ZFAT: variants seen among roughly 807,000 people sequenced by gnomAD.
ZFAT encodes the protein zinc finger protein ZFAT.
ZFAT carries 64 observed loss-of-function variants against 117.7 expected under a neutral mutation model. The ratio of observed to expected loss-of-function variants is 0.54; its 90% CI spans 0.44 to 0.67. ZFAT has a LOEUF of 0.67. Among genes scored for constraint, ZFAT ranks in the 30% least tolerant of loss-of-function variants. The probability of loss-of-function intolerance (pLI) is 0.00; values close to 1 mark genes in which losing one functional copy is unlikely to be tolerated. For missense variants in ZFAT, 1,433 were observed against 1,584.5 expected (o/e 0.90, Z 1.62); for synonymous variants, 679 against 615.0 (o/e 1.10, Z -1.54).
At chr8:134,604,637 C>A (rs1827747690) in intron 5 of ZFAT, among the ~76,000 whole-genome samples, 1 of 152,240 alleles carries the variant, frequency 6.6e-6, no homozygotes, top group Non-Finnish European at 1.5e-5. Flanking sequence ...TAACCAGATA[C>A]CATTCAACTG....
At chr8:134,784,405 T>C in the ZFAT span, 1 of 152,206 alleles carries the variant, frequency 6.6e-6, no homozygotes, top group Non-Finnish European at 1.5e-5. Context: ...AAATTGGAAA[T>C]ATATAAAATA....
chr8:134,805,248 A>AGTTTTGTTCT, the ZFAT span, among the ~76,000 whole-genome samples: 1 of 151,710 alleles, frequency 6.6e-6, no homozygotes, highest in African/African-American at 2.4e-5. Context: ...TGCAAAAATA[A>AGTTTTGTTCT]GTTTTCTTCT....
chr8:134,505,779 G>C (rs759075509), intron 15 of ZFAT, among the ~76,000 whole-genome samples: 45 of 152,192 alleles, frequency 3.0e-4, no homozygotes, highest in Admixed American at 6.5e-4. Flanking sequence ...GACACCTTGA[G>C]TTTAGCACAG....
intron 15 of ZFAT, among the ~76,000 whole-genome samples, chr8:134,481,452 G>A (rs1378190637): frequency 6.6e-6 from 1 of 152,212 alleles, no homozygotes; most frequent in Non-Finnish European, 1.5e-5. Context: ...TGTGGACATA[G>A]TGACTGCCAC....
the ZFAT span, among the ~76,000 whole-genome samples, chr8:134,812,879 T>C: frequency 4.6e-5 from 7 of 152,254 alleles, no homozygotes; most frequent in Non-Finnish European, 8.8e-5. Context: ...AGGTAGGTAC[T>C]AGTGTTATCT....
At position 134,683,126 on chromosome 8, in the gene ZFAT, C is replaced by T. The variant is rs74975657; in HGVS notation, c.20-25389G>A. 8.2e-3 allele frequency among the ~76,000 whole-genome samples: 1,243 copies of T among 152,288 alleles called. 5 individuals are homozygous for T. The highest frequency in any genetic ancestry group is 0.016 in the South Asian group (78 of 4,830). ...AAAACTCATAATAAACATACAAATT[C>T]ACTATGTGAAATGAGCCCCCTTAGA... On this transcript the variant is annotated intron_variant, in intron 1 of 15. Coordinates refer to ENST00000377838, the MANE Select transcript of ZFAT (RefSeq NM_020863.4).
intron 1 of ZFAT, among the ~76,000 whole-genome samples, chr8:134,677,628 G>T (rs1046975053): frequency 6.6e-6 from 1 of 152,046 alleles, no homozygotes; most frequent in Non-Finnish European, 1.5e-5. Context: ...AAACCTAGCA[G>T]AGACAAAATA....
intron 15 of ZFAT, among the ~76,000 whole-genome samples, chr8:134,493,302 T>C (rs1818181945): frequency 6.6e-6 from 1 of 151,940 alleles, no homozygotes; most frequent in African/African-American, 2.4e-5. Context: ...GTCCACCAGG[T>C]CCCTGGGCCT....
chr8:134,632,965 A>C (rs1276261832), intron 3 of ZFAT, among the ~76,000 whole-genome samples: 1 of 152,276 alleles, frequency 6.6e-6, no homozygotes, highest in Admixed American at 6.5e-5. Context: ...ACAGAGGCTG[A>C]CACAACCCAG....
chr8:134,521,216 T>C (rs563928157), intron 12 of ZFAT, among the ~76,000 whole-genome samples: 1 of 152,222 alleles, frequency 6.6e-6, no homozygotes, highest in East Asian at 1.9e-4. Context: ...CTTTTTTTAT[T>C]TGTTGAATAA....
intron 3 of ZFAT, among the ~76,000 whole-genome samples, chr8:134,636,569 G>A (rs533709827): frequency 1.1e-3 from 163 of 152,276 alleles, no homozygotes; most frequent in African/African-American, 3.6e-3. Context: ...CCAGACAGCC[G>A]TAACCCAGAG....
At chr8:134,725,163 T>G in the ZFAT span, among the ~76,000 whole-genome samples, 1 of 152,214 alleles carries the variant, frequency 6.6e-6, no homozygotes, top group Non-Finnish European at 1.5e-5. Flanking sequence ...CTGGGCACAC[T>G]GTACCGCCCC....
the ZFAT span, among the ~76,000 whole-genome samples, chr8:134,754,838 G>A: frequency 3.3e-5 from 5 of 151,418 alleles, no homozygotes; most frequent in Non-Finnish European, 5.9e-5. Context: ...GTGAGATCTC[G>A]GCAATGACAA....
At chr8:134,811,088 C>A in the ZFAT span, among the ~76,000 whole-genome samples, 10,573 of 151,692 alleles carry the variant, frequency 0.07, 481 homozygotes, top group African/African-American at 0.13. Context: ...ACACAGGGAC[C>A]AAAAACAATT....
At chr8:134,569,677 G>A (rs1247979072) in intron 10 of ZFAT, among the ~76,000 whole-genome samples, 1 of 152,106 alleles carries the variant, frequency 6.6e-6, no homozygotes, top group East Asian at 1.9e-4. Context: ...GACTGGGCCT[G>A]CAAGCATCTG....
At chr8:134,723,023 C>T in the ZFAT span, 2 of 152,242 alleles carry the variant, frequency 1.3e-5, no homozygotes, top group Admixed American at 6.5e-5. Context: ...CAGAATGAAC[C>T]CAACCCTGCT....
the ZFAT span, among the ~76,000 whole-genome samples, chr8:134,748,292 T>C: frequency 6.6e-6 from 1 of 152,222 alleles, no homozygotes; most frequent in Non-Finnish European, 1.5e-5. Flanking sequence ...CTTTTCCTTG[T>C]AGGTTTATTG....
At chr8:134,648,128 T>A (rs956216175) in intron 2 of ZFAT, among the ~76,000 whole-genome samples, 2 of 151,992 alleles carry the variant, frequency 1.3e-5, no homozygotes, top group Non-Finnish European at 2.9e-5. Context: ...TATATATGTA[T>A]AACAAATCAT....
intron 15 of ZFAT, among the ~76,000 whole-genome samples, chr8:134,479,906 G>T (rs370962441): frequency 6.6e-6 from 1 of 151,584 alleles, no homozygotes; most frequent in African/African-American, 2.4e-5. Flanking sequence ...CAAAGTGGGT[G>T]CTCAATAACA....
Sources: allele counts gnomAD v4.1 joint callset (sites outside exome capture counted in the v4.1 genomes callset), GRCh38; gene constraint gnomAD v4.1.1; transcripts MANE v1.5; gene names NCBI Gene and HGNC (gene_info 2026-07-23, HGNC 2026-07-21).